GRID1: variants seen among roughly 807,000 people sequenced by gnomAD.
The protein encoded by GRID1 is glutamate ionotropic receptor delta type subunit 1.
A neutral mutation model predicts 98.0 loss-of-function variants in GRID1; 28 were observed. The ratio of observed to expected loss-of-function variants is 0.29; its 90% CI spans 0.21 to 0.39. The LOEUF is 0.39. Among genes scored for constraint, GRID1 ranks in the 10% least tolerant of loss-of-function variants. GRID1 has a pLI of 1.00. For synonymous variants in GRID1, 553 were observed against 538.5 expected (o/e 1.03, Z -0.37); for missense variants, 1,111 against 1,340.5 (o/e 0.83, Z 2.67).
chr10:85,670,463 C>A (rs984855926), intron 12 of GRID1, among the ~76,000 whole-genome samples: 2 of 152,026 alleles, frequency 1.3e-5, no homozygotes, highest in African/African-American at 2.4e-5. Flanking sequence ...AAAAGGAGAC[C>A]AGGGAAGAAA....
intron 3 of GRID1, among the ~76,000 whole-genome samples, chr10:86,141,366 A>G (rs1275119604): frequency 1.3e-5 from 2 of 152,220 alleles, no homozygotes; most frequent in Non-Finnish European, 2.9e-5. Flanking sequence ...TTCTTAACCA[A>G]TCAGAGGGAG....
chr10:86,029,415 G>A (rs1843156184), intron 4 of GRID1, among the ~76,000 whole-genome samples: 1 of 152,170 alleles, frequency 6.6e-6, no homozygotes, highest in African/African-American at 2.4e-5. Context: ...CCTTTAAGAG[G>A]TCTTATCTGA....
chr10:85,809,670 T>C (rs1842653182), intron 8 of GRID1, among the ~76,000 whole-genome samples: 1 of 152,178 alleles, frequency 6.6e-6, no homozygotes, highest in Non-Finnish European at 1.5e-5. Flanking sequence ...TTACTGAAAC[T>C]TCAGAGGGAA....
At chr10:86,117,211 TCAC>T (rs953915412) in intron 4 of GRID1, among the ~76,000 whole-genome samples, 6 of 148,480 alleles carry the variant, frequency 4.0e-5, no homozygotes, top group African/African-American at 1.3e-4. Flanking sequence ...ACCATCATCA[TCAC>T]CACCACCACT....
At chr10:85,739,380 G>A (rs182150113) in intron 8 of GRID1, among the ~76,000 whole-genome samples, 1 of 152,106 alleles carries the variant, frequency 6.6e-6, no homozygotes, top group African/African-American at 2.4e-5. Context: ...AGGAGATTGA[G>A]ACCAACCCAG....
At chr10:86,309,979 A>G (rs1012448168) in intron 2 of GRID1, among the ~76,000 whole-genome samples, 13 of 152,128 alleles carry the variant, frequency 8.5e-5, no homozygotes, top group South Asian at 2.1e-4. Context: ...CACAGCTTCA[A>G]GCCCACTACC....
chr10:85,747,574 G>A (rs1842009005), intron 8 of GRID1, among the ~76,000 whole-genome samples: 1 of 152,048 alleles, frequency 6.6e-6, no homozygotes, highest in Admixed American at 6.6e-5. Flanking sequence ...TTCTCCAACT[G>A]CACAGAAGGA....
rs762761815 is a variant in GRID1 at position 85,916,156 on chromosome 10, C to T, written c.780+30G>A. 13 of 1,558,038 alleles carry T rather than the reference C, an allele frequency of 8.3e-6. No individual in the cohort carries two copies. Among genetic ancestry groups the T allele is most frequent in the South Asian group, 1.1e-5 (1 of 89,810 alleles). On this transcript the variant is annotated intron_variant, in intron 5 of 15. Coordinates refer to ENST00000327946, the MANE Select transcript of GRID1 (RefSeq NM_017551.3). This position sits in a 1 kb window ranked among gnomAD's most constrained non-coding sequence, Gnocchi z 4.0. The stretch of plus-strand genomic sequence containing the variant: ...CAAGGGGCTAGGGGCTCAGTCCAGG[C>T]CGTGCTCATCACATTTCTAGAGCCC...
chr10:86,223,674 C>T (rs1846294726), intron 2 of GRID1, among the ~76,000 whole-genome samples: 1 of 152,242 alleles, frequency 6.6e-6, no homozygotes, highest in Admixed American at 6.5e-5. Context: ...GGCAGGGGCA[C>T]TCCCTCCCTC....
At chr10:85,612,825 C>T (rs897740741) in intron 15 of GRID1, among the ~76,000 whole-genome samples, 1 of 151,974 alleles carries the variant, frequency 6.6e-6, no homozygotes, top group Non-Finnish European at 1.5e-5. Flanking sequence ...AGTTGGCACA[C>T]ATGGGGAGAA....
intron 8 of GRID1, among the ~76,000 whole-genome samples, chr10:85,847,101 A>G (rs936419373): frequency 4.6e-5 from 7 of 152,194 alleles, no homozygotes; most frequent in Non-Finnish European, 1.0e-4. Context: ...TGCTATAACA[A>G]AAAAACAAAA....
intron 2 of GRID1, among the ~76,000 whole-genome samples, chr10:86,360,162 C>A (rs1848582329): frequency 6.6e-6 from 1 of 151,166 alleles, no homozygotes; most frequent in Non-Finnish European, 1.5e-5. Context: ...TAAATAGTTC[C>A]CTTTTATAAA....
At chr10:86,273,733 A>G (rs1387092042) in intron 2 of GRID1, among the ~76,000 whole-genome samples, 1,798 of 151,646 alleles carry the variant, frequency 0.012, 30 homozygotes, top group African/African-American at 0.042. Flanking sequence ...GTCTGTTCAT[A>G]TCCTTCGCCC....
At chr10:86,330,292 G>C (rs1848120725) in intron 2 of GRID1, among the ~76,000 whole-genome samples, 1 of 152,034 alleles carries the variant, frequency 6.6e-6, no homozygotes, top group African/African-American at 2.4e-5. Flanking sequence ...CTTCCTTGGG[G>C]CTCCTCTCCC....
chr10:86,194,462 T>G (rs1684733201), intron 3 of GRID1, among the ~76,000 whole-genome samples: 1 of 152,232 alleles, frequency 6.6e-6, no homozygotes, highest in South Asian at 2.1e-4. Context: ...TGCAAAGCAC[T>G]GTATCTGTGT....
At chr10:86,212,740 G>A (rs1846124316) in intron 2 of GRID1, among the ~76,000 whole-genome samples, 1 of 152,164 alleles carries the variant, frequency 6.6e-6, no homozygotes, top group African/African-American at 2.4e-5. Flanking sequence ...AATTCCAATG[G>A]CTAATGCTTT....
chr10:86,134,583 C>T (rs999683442), intron 4 of GRID1, among the ~76,000 whole-genome samples: 1 of 152,172 alleles, frequency 6.6e-6, no homozygotes. Flanking sequence ...GGATTTCCTG[C>T]CCCAGGCTAG....
chr10:86,126,773 C>G (rs1350005212), intron 4 of GRID1, among the ~76,000 whole-genome samples: 1 of 152,210 alleles, frequency 6.6e-6, no homozygotes, highest in Admixed American at 6.5e-5. Flanking sequence ...TCTTGAGACA[C>G]AAGAAATAGT....
intron 6 of GRID1, among the ~76,000 whole-genome samples, chr10:85,865,663 A>T (rs2131789241): frequency 6.6e-6 from 1 of 151,860 alleles, no homozygotes; most frequent in East Asian, 1.9e-4. Flanking sequence ...GATAAATCTC[A>T]CAGCTAGAGG....
Sources: gnomAD v4.1 joint callset for allele counts (sites outside exome capture counted in the v4.1 genomes callset) on GRCh38, gnomAD v4.1.1 for gene constraint, Gnocchi (gnomAD v3.1) non-coding constraint, MANE v1.5 for transcripts, NCBI Gene and HGNC (gene_info 2026-07-23, HGNC 2026-07-21) for gene names.